Variants in KMT2C observed in about 807,000 individuals in gnomAD.
KMT2C encodes lysine methyltransferase 2C, also known as histone-lysine N-methyltransferase 2C.
Under a neutral mutation model 507.9 loss-of-function variants are expected in KMT2C, and 88 were observed. That is an observed-to-expected ratio of 0.17 (90% CI 0.15 to 0.21). KMT2C has a LOEUF of 0.21. Ranked by LOEUF, KMT2C falls within the 10% of genes least tolerant of loss-of-function variation. The pLI, the probability that KMT2C is intolerant of heterozygous loss-of-function variation, is 1.00. For missense variants in KMT2C, 4,954 were observed against 5,957.8 expected (o/e 0.83, Z 5.55); for synonymous variants, 2,049 against 2,080.8 (o/e 0.98, Z 0.42).
At chr7:152,315,033 C>T (rs2096710259) in intron 4 of KMT2C, 105 bp downstream of exon 4, 3 of 941,170 alleles carry the variant, frequency 3.2e-6, no homozygotes, top group Middle Eastern at 3.2e-4. Flanking sequence ...ACAGGAGAAA[C>T]TGTTCAACAA....
Position 152,247,289 on chromosome 7 carries a change from T to C in KMT2C, c.2532+613A>G, listed in dbSNP as rs560876858. ...TCATTCTTAAAGGGTAGAATGTACATGATGTAAAGCAGACAAAGGAAGATT... is the reference window on the plus strand; with the variant it reads ...TCATTCTTAAAGGGTAGAATGTACACGATGTAAAGCAGACAAAGGAAGATT... On this transcript the variant is annotated intron_variant, in intron 14 of 58. Coordinates refer to ENST00000262189, the MANE Select transcript of KMT2C (RefSeq NM_170606.3). Among the ~76,000 whole-genome samples the C allele has an allele frequency of 4.1e-4, 62 of 152,270 alleles. No homozygotes were observed. The Middle Eastern group carries it at 0.014, about 34-fold the overall frequency.
At chr7:152,250,007 GTTCCCTCAACAGTAAT>G in intron 12 of KMT2C, 54 bp from the exon 13 acceptor site, 5 of 1,032,022 alleles carry the variant, frequency 4.8e-6, no homozygotes, top group African/African-American at 1.6e-5. Context: ...CTGTAACACT[GTTCCCTCAACAGTAAT>G]TTGAGTAAAG....
In KMT2C at chr7:152,288,125, T is replaced by C. The variant is rs530161459; in HGVS notation, c.850-14258A>G. Among the ~76,000 whole-genome samples the C allele has an allele frequency of 1.4e-3, 202 of 144,030 alleles. 1 individual carries two copies. Among genetic ancestry groups the C allele is most frequent in the African/African-American group, 4.9e-3 (188 of 38,716 alleles). The allele number at this position is 144,030 out of a possible 152,430, so 94.5% of individuals were successfully genotyped here. A position where few individuals can be genotyped will look rare whatever the true frequency, so the allele number is the denominator to read the frequency against. On this transcript the variant is annotated intron_variant, in intron 6 of 58. Transcript: ENST00000262189. ...AATCAAGAAAGAAACAAATACCAAG[T>C]TGAAAACTAAAAAATATGCTAACAA...
At chr7:152,159,122 G>A (rs748576284) in intron 43 of KMT2C, 50 bp from the exon 44 acceptor site, 26 of 1,551,372 alleles carry the variant, frequency 1.7e-5, no homozygotes, top group Non-Finnish European at 2.3e-5. Context: ...TGCATATTTG[G>A]TTTTTAGTTC....
rs529327368 is a variant in KMT2C, at chr7:152,344,904, G to A, written c.250+13683C>T. 8.9e-4 allele frequency among the ~76,000 whole-genome samples: 135 copies of A among 151,840 alleles called. 1 individual carries two copies. The highest frequency in any genetic ancestry group is 3.2e-3 in the African/African-American group (132 of 41,408). On this transcript the variant is annotated intron_variant, in intron 2 of 58. Coordinates refer to ENST00000262189, the MANE Select transcript of KMT2C (RefSeq NM_170606.3). ...CGGGAGGCTGAGGCAGGAGAATGGC[G>A]TGAACCCAGGAGGCGGAGCTTGCAA...
intron 1 of KMT2C, among the ~76,000 whole-genome samples, chr7:152,387,145 C>G (rs1277012607): frequency 6.6e-6 from 1 of 152,000 alleles, no homozygotes; most frequent in East Asian, 1.9e-4. Context: ...TTAAAGAGAT[C>G]ATACTTCCTT....
In KMT2C at chr7:152,136,911, T is replaced by C. The variant is rs1260069362; in HGVS notation, c.14657A>G (p.Tyr4886Cys). 6 of 1,612,820 alleles carry C rather than the reference T, an allele frequency of 3.7e-6. No homozygotes were observed. Among genetic ancestry groups the C allele is most frequent in the East Asian group, 2.2e-5 (1 of 44,882 alleles). ...CTGGTCATCTTCAAAGTCAAACTTA[T>C]AGTCATAGCAGAGCTGCCCACGGCA... ...IQKGEELCYD[Y>C]KFDFEDDQHK... Residue 4886 changes from tyrosine to cysteine, a missense_variant, in exon 59 of 59, where the codon TAT becomes TGT. By Grantham distance (194) the Tyr-to-Cys change is radical (BLOSUM62 -2). Around this residue, in one of 29 missense-constraint regions of KMT2C, gnomAD observed 133 missense variants for 258.9 expected, o/e 0.51. Transcript: ENST00000262189.
rs543070898 is a variant in KMT2C, at chr7:152,243,658, G to A, written c.2532+4244C>T. ...AAATTAGCCAGGTGTGTTGACGTGCGCCCGTAGTCCCCGCTACTCAGGAGG... is the reference window on the plus strand; with the variant it reads ...AAATTAGCCAGGTGTGTTGACGTGCACCCGTAGTCCCCGCTACTCAGGAGG... On this transcript the variant is annotated intron_variant, in intron 14 of 58. Coordinates refer to ENST00000262189, the MANE Select transcript of KMT2C (RefSeq NM_170606.3). 8.5e-5 allele frequency among the ~76,000 whole-genome samples: 13 copies of A among 152,102 alleles called. 1 individual carries two copies. In the South Asian group the frequency reaches 1.5e-3, roughly 17 times the overall value.
intron 3 of KMT2C, 103 bp downstream of exon 3, chr7:152,330,498 C>G (rs575008964): frequency 8.7e-7 from 1 of 1,149,744 alleles, no homozygotes; most frequent in East Asian, 2.4e-5. Context: ...AAATCCCACC[C>G]AGATTTTCAT....
intron 7 of KMT2C, among the ~76,000 whole-genome samples, chr7:152,269,879 AAG>A (rs2095929293): frequency 6.6e-6 from 1 of 152,228 alleles, no homozygotes; most frequent in Admixed American, 6.5e-5. Context: ...CAGCCGTAAA[AAG>A]AGAAGAGATA....
chr7:152,184,182 T>A (rs76201294), intron 34 of KMT2C, among the ~76,000 whole-genome samples: 3 of 150,198 alleles, frequency 2.0e-5, no homozygotes, highest in South Asian at 2.1e-4. Flanking sequence ...CTTAAAAATT[T>A]AAAAATTCTG....
intron 1 of KMT2C, among the ~76,000 whole-genome samples, chr7:152,409,708 G>A (rs1049125687): frequency 6.6e-5 from 10 of 152,336 alleles, no homozygotes; most frequent in Admixed American, 5.9e-4. Context: ...TCCAGCCTGG[G>A]TGACAGAGCA....
At chr7:152,281,746 A>C (rs910785850) in intron 6 of KMT2C, among the ~76,000 whole-genome samples, 6 of 111,058 alleles carry the variant, frequency 5.4e-5, no homozygotes, top group Non-Finnish European at 8.5e-5. Flanking sequence ...ACAAAAACAA[A>C]AAAAAAAAGA....
chr7:152,433,172 T>C (rs2097881121), intron 1 of KMT2C, among the ~76,000 whole-genome samples: 1 of 152,092 alleles, frequency 6.6e-6, no homozygotes, highest in African/African-American at 2.4e-5. Context: ...AGGCATCTTC[T>C]CTACTTAATG....
At chr7:152,268,813 T>C (rs1211081338) in intron 7 of KMT2C, among the ~76,000 whole-genome samples, 3 of 152,192 alleles carry the variant, frequency 2.0e-5, no homozygotes, top group Non-Finnish European at 2.9e-5. Flanking sequence ...TGTGAAACTT[T>C]CTAGAGTTTG....
chr7:152,283,148 C>T (rs918392571), intron 6 of KMT2C, among the ~76,000 whole-genome samples: 1 of 152,282 alleles, frequency 6.6e-6, no homozygotes, highest in Non-Finnish European at 1.5e-5. Flanking sequence ...ACATAACTTC[C>T]ACATAAAACA....
At chr7:152,172,120 T>C (rs2092990949) in intron 39 of KMT2C, among the ~76,000 whole-genome samples, 2 of 152,190 alleles carry the variant, frequency 1.3e-5, no homozygotes, top group South Asian at 4.1e-4. Context: ...TAGAATATGT[T>C]TTTAAATTTT....
At chr7:152,179,541 A>T (rs2093352761) in intron 37 of KMT2C, among the ~76,000 whole-genome samples, 1 of 152,094 alleles carries the variant, frequency 6.6e-6, no homozygotes, top group Non-Finnish European at 1.5e-5. Flanking sequence ...AGCACTAAAT[A>T]GCAGATTATA....
chr7:152,223,075 C>T (rs992411768), intron 20 of KMT2C, among the ~76,000 whole-genome samples: 6 of 152,074 alleles, frequency 3.9e-5, no homozygotes, highest in African/African-American at 4.8e-5. Context: ...ACATATCTCA[C>T]GGAAAGCGAT....
Sources: allele counts gnomAD v4.1 joint callset (sites outside exome capture counted in the v4.1 genomes callset), GRCh38; gene constraint gnomAD v4.1.1; regional missense constraint gnomAD v4.1.1; transcripts MANE v1.5; gene names NCBI Gene and HGNC (gene_info 2026-07-23, HGNC 2026-07-21).